EPG5: variants seen among roughly 807,000 people sequenced by gnomAD.
EPG5 encodes the protein ectopic P-granules 5 autophagy tethering factor, also known as ectopic P granules protein 5 homolog.
EPG5 carries 159 observed loss-of-function variants against 302.7 expected under a neutral mutation model. The ratio of observed to expected loss-of-function variants is 0.53; its 90% CI spans 0.46 to 0.60. The LOEUF is 0.60. EPG5 is among the 20% of genes least tolerant of loss of function. The pLI is 0.00. For synonymous variants in EPG5, 1,158 were observed against 1,136.8 expected, an observed-to-expected ratio of 1.02 and a Z score of -0.37; for missense variants, 2,896 against 3,092.4, an observed-to-expected ratio of 0.94 and a Z score of 1.51.
In EPG5 at chr18:45,950,833, G is replaced by A. The variant is rs564319025; in HGVS notation, c.1389+269C>T. On this transcript the variant is annotated intron_variant, in intron 4 of 43. Transcript: ENST00000282041. ...GAATATACATCTAGTCTTCAATTTC[G>A]CATACTTCCTGCATTTCCATTTCTT... is the stretch of plus-strand genomic sequence containing the variant. Among the ~76,000 whole-genome samples, 23 of 152,188 alleles carry A rather than the reference G, an allele frequency of 1.5e-4. No homozygotes were observed. The East Asian group carries it at 3.7e-3, about 24-fold the overall frequency.
At chr18:45,911,090 C>T (rs2049885468) in intron 22 of EPG5, among the ~76,000 whole-genome samples, 1 of 143,156 alleles carries the variant, frequency 7.0e-6, no homozygotes, top group Non-Finnish European at 1.5e-5. Flanking sequence ...CACACACACA[C>T]ACACACACAC....
the EPG5 span, among the ~76,000 whole-genome samples, chr18:45,830,752 ATTT>A: frequency 2.3e-3 from 273 of 118,124 alleles, no homozygotes; most frequent in African/African-American, 7.2e-3. Flanking sequence ...TGCCAGGCTA[ATTT>A]TTTTTTTTTT....
At position 45,927,591 on chromosome 18, in the gene EPG5, TATACACACACACAC is replaced by T. The variant is rs1462213774; in HGVS notation, c.2553+1264_2553+1277del. 6.6e-5 allele frequency among the ~76,000 whole-genome samples: 5 copies of T among 75,622 alleles called. No individual in the cohort carries two copies. In the East Asian group the frequency reaches 1.5e-3, roughly 23 times the overall value. 49.6% of individuals were successfully genotyped at this position (75,622 alleles called of 152,430 possible). A position where few individuals can be genotyped will look rare whatever the true frequency, so the allele number is the denominator to read the frequency against. On this transcript the variant is annotated intron_variant, in intron 13 of 43. Transcript: ENST00000282041. The stretch of plus-strand genomic sequence containing the variant: ...ATGACTGAATGGATAAACAAAAAGT[TATACACACACACAC>T]ACACACACACACACACACACACACA...
intron 1 of EPG5, among the ~76,000 whole-genome samples, chr18:45,959,810 T>C (rs1355603997): frequency 2.0e-5 from 3 of 151,870 alleles, no homozygotes; most frequent in Admixed American, 1.3e-4. Flanking sequence ...TGAAGCCCCA[T>C]CTTTACTAAA....
the EPG5 span, chr18:45,837,872 C>T: frequency 8.8e-5 from 135 of 1,532,080 alleles, no homozygotes; most frequent in Non-Finnish European, 1.2e-4. Flanking sequence ...CGAGAGCCGC[C>T]ACGGCGTCCG....
At chr18:45,838,052 GT>G in the EPG5 span, among the ~76,000 whole-genome samples, 44 of 152,324 alleles carry the variant, frequency 2.9e-4, no homozygotes, top group African/African-American at 1.0e-3. Flanking sequence ...CCTGGGGGTA[GT>G]TTAGGACCAC....
At chr18:45,831,085 G>A in the EPG5 span, among the ~76,000 whole-genome samples, 7 of 152,260 alleles carry the variant, frequency 4.6e-5, no homozygotes, top group South Asian at 1.5e-3. Flanking sequence ...CAGCATCAGA[G>A]CTAGGGCTGG....
chr18:45,942,393 A>G lies in EPG5; in HGVS notation c.1943+768T>C, dbSNP rs75611024. On this transcript the variant is annotated intron_variant, in intron 9 of 43. Coordinates refer to ENST00000282041, the MANE Select transcript of EPG5 (RefSeq NM_020964.3). ...CGAGGCAGATGGATCACTTGAGTCC[A>G]GGAGTTTGAAACCAGCCTGGGCAAT... Among the ~76,000 whole-genome samples the G allele has an allele frequency of 4.8e-4, 73 of 152,312 alleles. No homozygotes were observed. The East Asian group carries it at 9.8e-3, about 21-fold the overall frequency.
intron 24 of EPG5, among the ~76,000 whole-genome samples, chr18:45,904,642 A>G (rs2049703523): frequency 6.6e-6 from 1 of 152,198 alleles, no homozygotes; most frequent in African/African-American, 2.4e-5. Flanking sequence ...AAGGAAAAGT[A>G]AAGGGATAAG....
At chr18:45,943,465 G>GA (rs2050715271) in intron 8 of EPG5, among the ~76,000 whole-genome samples, 154 bp from the exon 9 acceptor site, 1 of 152,156 alleles carries the variant, frequency 6.6e-6, no homozygotes, top group South Asian at 2.1e-4. Context: ...CATGAAATGG[G>GA]AAAAAACTTG....
chr18:45,877,506 G>C (rs930230886), intron 34 of EPG5, among the ~76,000 whole-genome samples: 1 of 152,136 alleles, frequency 6.6e-6, no homozygotes, highest in East Asian at 1.9e-4. Context: ...AAATAAACAA[G>C]CAGCCAGCAC....
At chr18:45,861,930 C>G (rs1413714774) in intron 39 of EPG5, among the ~76,000 whole-genome samples, 1 of 152,052 alleles carries the variant, frequency 6.6e-6, no homozygotes, top group Non-Finnish European at 1.5e-5. Flanking sequence ...TATATGTATC[C>G]TATTTGTCCC....
At chr18:45,811,718 A>T in the EPG5 span, among the ~76,000 whole-genome samples, 6 of 152,054 alleles carry the variant, frequency 3.9e-5, no homozygotes, top group African/African-American at 1.2e-4. Context: ...ATTCAACAAC[A>T]CTTCATGCTA....
chr18:45,833,084 T>G, the EPG5 span, among the ~76,000 whole-genome samples: 10 of 152,032 alleles, frequency 6.6e-5, no homozygotes, highest in African/African-American at 2.4e-4. Context: ...AGACCTGCCA[T>G]TTGCAGCACA....
intron 1 of EPG5, among the ~76,000 whole-genome samples, chr18:45,960,526 T>A (rs892400703): frequency 1.3e-5 from 2 of 152,152 alleles, no homozygotes; most frequent in Admixed American, 6.5e-5. Context: ...ACATACAGAT[T>A]AAAAAACGAT....
At chr18:45,947,749 G>A (rs970422535) in intron 6 of EPG5, among the ~76,000 whole-genome samples, 3 of 151,696 alleles carry the variant, frequency 2.0e-5, no homozygotes, top group Admixed American at 6.6e-5. Flanking sequence ...CCATTGTCCC[G>A]TTCTCCTACT....
At chr18:45,903,927 A>G in intron 25 of EPG5, 46 bp downstream of exon 25, 1 of 1,553,056 alleles carries the variant, frequency 6.4e-7, no homozygotes, top group African/African-American at 1.4e-5. Flanking sequence ...CTCTGATTCA[A>G]TCATTCATTC....
chr18:45,959,507 G>A (rs1212267554), intron 1 of EPG5, among the ~76,000 whole-genome samples: 5 of 150,986 alleles, frequency 3.3e-5, no homozygotes, highest in Middle Eastern at 3.2e-3. Flanking sequence ...CTAGCCAGGC[G>A]TGGTGGCAGG....
At chr18:45,855,341 G>A (rs781305320) in intron 43 of EPG5, 6 of 435,594 alleles carry the variant, frequency 1.4e-5, no homozygotes, top group South Asian at 8.4e-5. Context: ...CAGACTTTTC[G>A]TTTGGCCTTA....
Sources: allele counts gnomAD v4.1 joint callset (sites outside exome capture counted in the v4.1 genomes callset), GRCh38; gene constraint gnomAD v4.1.1; transcripts MANE v1.5; gene names NCBI Gene and HGNC (gene_info 2026-07-23, HGNC 2026-07-21).